Variants in LRP2 observed in about 807,000 individuals in gnomAD.
LRP2 encodes LDL receptor related protein 2, also known as low-density lipoprotein receptor-related protein 2.
Under a neutral mutation model 531.0 loss-of-function variants are expected in LRP2, and 172 were observed. The observed-to-expected ratio is 0.32, with a 90% CI of 0.29 to 0.37. The LOEUF is 0.37. Among genes scored for constraint, LRP2 ranks in the 10% least tolerant of loss-of-function variants. The pLI, the probability that LRP2 is intolerant of heterozygous loss-of-function variation, is 1.00. For missense variants in LRP2, 5,167 were observed against 5,868.3 expected, an observed-to-expected ratio of 0.88 and a Z score of 3.90; for synonymous variants, 1,992 against 2,027.6, an observed-to-expected ratio of 0.98 and a Z score of 0.47.
chr2:169,353,503 T>G (rs948435576), intron 1 of LRP2, among the ~76,000 whole-genome samples: 1 of 152,320 alleles, frequency 6.6e-6, no homozygotes, highest in African/African-American at 2.4e-5. Context: ...TAGGCCATTT[T>G]GAGTTGGGTT....
intron 49 of LRP2, among the ~76,000 whole-genome samples, chr2:169,186,836 T>C (rs1298078734): frequency 3.3e-5 from 5 of 152,198 alleles, no homozygotes; most frequent in Admixed American, 1.3e-4. Context: ...TTATGTACTA[T>C]TGAGGATTTA....
intron 1 of LRP2, among the ~76,000 whole-genome samples, chr2:169,326,824 C>A (rs1022745914): frequency 6.7e-6 from 1 of 149,716 alleles, no homozygotes; most frequent in African/African-American, 2.5e-5. Flanking sequence ...CGTCTCTGCC[C>A]GGCCGCCCAT....
rs397696929 is a variant in LRP2 at position 169,254,658 on chromosome 2, A to AC, written c.2770+1447dup. Among the ~76,000 whole-genome samples, 2 of 141,450 alleles carry AC rather than the reference A, an allele frequency of 1.4e-5. 1 individual carries two copies. The highest frequency in any genetic ancestry group is 5.2e-5 in the African/African-American group (2 of 38,348). 92.8% of individuals were successfully genotyped at this position (141,450 alleles called of 152,430 possible). Reference sequence around the variant, plus strand: ...TAGAGTATAATAAAAAAAAAAAAAAACAGCAATGTTGAAAGAAATAAATAA... The same window carrying AC: ...TAGAGTATAATAAAAAAAAAAAAAAACCAGCAATGTTGAAAGAAATAAATAA... On this transcript the variant is annotated intron_variant, in intron 19 of 78. Transcript: ENST00000649046.
At chr2:169,136,606 C>G (rs1199333492) in intron 76 of LRP2, among the ~76,000 whole-genome samples, 1 of 152,086 alleles carries the variant, frequency 6.6e-6, no homozygotes, top group Non-Finnish European at 1.5e-5. Flanking sequence ...CCTGGCTCAT[C>G]TGGCTCAAAA....
intron 69 of LRP2, among the ~76,000 whole-genome samples, chr2:169,146,314 C>T (rs1028164675): frequency 6.6e-6 from 1 of 152,100 alleles, no homozygotes; most frequent in African/African-American, 2.4e-5. Flanking sequence ...TGCAATTCTG[C>T]AGAGTCTGAA....
At chr2:169,301,633 C>T (rs2105483134) in intron 4 of LRP2, among the ~76,000 whole-genome samples, 1 of 152,212 alleles carries the variant, frequency 6.6e-6, no homozygotes, top group Non-Finnish European at 1.5e-5. Context: ...ATCTCTCATA[C>T]TATACCACAT....
Position 169,269,824 on chromosome 2 carries a change from C to T in LRP2, c.2320+1080G>A, listed in dbSNP as rs1158357621. On this transcript the variant is annotated intron_variant, in intron 16 of 78. Transcript: ENST00000649046. The stretch of plus-strand genomic sequence containing the variant: ...ACCATCAGAGTGAACAGGCAACCTA[C>T]AGAATAGGAGAAAATTTTTACAATC... Among the ~76,000 whole-genome samples, 5 of 152,156 alleles carry T rather than the reference C, an allele frequency of 3.3e-5. No homozygotes were observed. The East Asian group carries it at 9.6e-4, about 29-fold the overall frequency.
chr2:169,242,965 C>T lies in LRP2; in HGVS notation c.3658G>A (p.Ala1220Thr). 1 of 1,613,152 alleles carries T rather than the reference C, an allele frequency of 6.2e-7. No homozygotes were observed. Among genetic ancestry groups the T allele is most frequent in the South Asian group, 1.1e-5 (1 of 91,042 alleles). The change falls in exon 24 of 79, where the codon GCA becomes ACA. Residue 1220 changes from alanine to threonine, a missense_variant. Coordinates refer to ENST00000649046, the MANE Select transcript of LRP2 (RefSeq NM_004525.3). ...GGTATGTGTTACTTACGACAGCCTG[C>T]TTCATCCGAGTTGTCACTGCAATCA... ...VFDCSDNSDE[A>T]GCPTRPPGMC...
intron 3 of LRP2, among the ~76,000 whole-genome samples, chr2:169,307,940 G>A (rs1247328150): frequency 3.9e-5 from 6 of 152,118 alleles, no homozygotes; most frequent in African/African-American, 9.7e-5. Context: ...GATTAGTATA[G>A]GTGAAAGCAG....
At chr2:169,281,542 A>G (rs1683704386) in intron 10 of LRP2, among the ~76,000 whole-genome samples, 2 of 151,990 alleles carry the variant, frequency 1.3e-5, no homozygotes, top group Non-Finnish European at 2.9e-5. Context: ...AACATGATGA[A>G]ACCCCGTCTC....
chr2:169,294,458 A>C, intron 5 of LRP2, 142 bp downstream of exon 5: 2 of 770,014 alleles, frequency 2.6e-6, no homozygotes, highest in Non-Finnish European at 4.6e-6. Context: ...CAGTGTGTAA[A>C]TACTCCTACC....
intron 50 of LRP2, among the ~76,000 whole-genome samples, chr2:169,185,057 G>C (rs981377074): frequency 6.6e-6 from 1 of 152,100 alleles, no homozygotes; most frequent in Non-Finnish European, 1.5e-5. Context: ...CACTGCCCCC[G>C]GCCAATGACA....
chr2:169,325,801 G>T (rs1367340028), intron 1 of LRP2, among the ~76,000 whole-genome samples: 1 of 148,254 alleles, frequency 6.7e-6, no homozygotes, highest in Non-Finnish European at 1.5e-5. Flanking sequence ...ATTCTTTTGG[G>T]TTTTTTTTTT....
chr2:169,141,511 A>G (rs1026996230), intron 71 of LRP2, among the ~76,000 whole-genome samples: 1 of 152,234 alleles, frequency 6.6e-6, no homozygotes, highest in Non-Finnish European at 1.5e-5. Context: ...ATCTCACTGG[A>G]CTAATTGCTT....
At chr2:169,273,976 C>G (rs796727975) in intron 14 of LRP2, among the ~76,000 whole-genome samples, 1 of 152,018 alleles carries the variant, frequency 6.6e-6, no homozygotes, top group African/African-American at 2.4e-5. Flanking sequence ...TATTTTTAGA[C>G]AAGTTTATAC....
At chr2:169,147,956 T>A (rs1442334498) in intron 68 of LRP2, among the ~76,000 whole-genome samples, 1 of 152,146 alleles carries the variant, frequency 6.6e-6, no homozygotes, top group African/African-American at 2.4e-5. Context: ...AAAAAAAATC[T>A]TAAAGCTCTG....
intron 45 of LRP2, among the ~76,000 whole-genome samples, chr2:169,198,154 T>A (rs1688067741): frequency 6.6e-6 from 1 of 152,126 alleles, no homozygotes; most frequent in African/African-American, 2.4e-5. Context: ...TGGCTCATAC[T>A]TGTAATCCCA....
intron 25 of LRP2, 199 bp downstream of exon 25, chr2:169,240,789 T>C (rs1035850915): frequency 1.5e-6 from 1 of 677,078 alleles, no homozygotes; most frequent in African/African-American, 1.8e-5. Flanking sequence ...CATAACCAAG[T>C]ACAAAGGATT....
At chr2:169,343,942 A>T (rs16856823) in intron 1 of LRP2, among the ~76,000 whole-genome samples, 7,168 of 152,292 alleles carry the variant, frequency 0.047, 287 homozygotes, top group East Asian at 0.19. Flanking sequence ...GAATTTTTGC[A>T]AATACATAAA....
Sources: gnomAD v4.1 joint callset for allele counts (sites outside exome capture counted in the v4.1 genomes callset) on GRCh38, gnomAD v4.1.1 for gene constraint, MANE v1.5 for transcripts, NCBI Gene and HGNC (gene_info 2026-07-23, HGNC 2026-07-21) for gene names.